Variants in SLC22A13 observed in about 807,000 individuals in gnomAD.
SLC22A13 encodes solute carrier family 22 member 13.
Under a neutral mutation model 49.1 loss-of-function variants are expected in SLC22A13, and 42 were observed. The observed-to-expected ratio is 0.85, with a 90% confidence interval of 0.67 to 1.11. The LOEUF is 1.11. Among genes scored for constraint, SLC22A13 ranks in the 50% least tolerant of loss-of-function variants. The pLI is 0.00. For synonymous variants in SLC22A13, 282 were observed against 293.1 expected, an observed-to-expected ratio of 0.96 and a Z score of 0.39; for missense variants, 694 against 712.8, an observed-to-expected ratio of 0.97 and a Z score of 0.30.
At chr3:38,275,231 A>G (rs1703565693) in intron 4 of SLC22A13, 74 bp downstream of exon 4, 4 of 1,592,560 alleles carry the variant, frequency 2.5e-6, no homozygotes, top group East Asian at 2.2e-5. Context: ...TGCAGCACCC[A>G]TGTTCATAGG....
At chr3:38,274,234 G>C in intron 1 of SLC22A13, 38 bp from the exon 2 acceptor site, 1 of 1,488,928 alleles carries the variant, frequency 6.7e-7, no homozygotes, top group Non-Finnish European at 9.4e-7. Flanking sequence ...TGCCCTCCTT[G>C]CAGCCCCTGG....
intron 1 of SLC22A13, among the ~76,000 whole-genome samples, chr3:38,268,960 A>G (rs1021504782): frequency 2.6e-5 from 4 of 152,144 alleles, no homozygotes; most frequent in Non-Finnish European, 5.9e-5. Flanking sequence ...AAACAAACAA[A>G]CAAACAAAAA....
chr3:38,265,934 T>A lies in SLC22A13; in HGVS notation c.74T>A (p.Leu25Gln). 1.2e-6 allele frequency: 2 copies of A among 1,614,208 alleles called. No homozygotes were observed. Among genetic ancestry groups the A allele is most frequent in the Non-Finnish European group, 1.7e-6 (2 of 1,180,014 alleles). Residue 25 changes from leucine (L) to glutamine (Q), a missense_variant, in exon 1 of 10, where the codon CTG (leucine) becomes CAG (glutamine). Coordinates refer to ENST00000311856, the MANE Select transcript of SLC22A13 (RefSeq NM_004256.4). The part of the protein sequence containing the change: ...GRFQIQLLIL[L>Q]CVLNFLSPFY... Reference sequence around the variant, plus strand: ...TTCCAGATACAGCTATTGATCCTGCTGTGTGTTCTCAACTTCCTGTCTCCC... The same window carrying A: ...TTCCAGATACAGCTATTGATCCTGCAGTGTGTTCTCAACTTCCTGTCTCCC...
chr3:38,277,380 A>G lies in SLC22A13; in HGVS notation c.1571A>G (p.Lys524Arg), dbSNP rs758949664. Residue 524 changes from lysine (K) to arginine (R), a missense_variant, in exon 10 of 10, where the codon AAA becomes AGA. By Grantham distance (26) the Lys-to-Arg change is conservative. Transcript: ENST00000311856. ...CCTTCTGCTCCCTCTAGGTCCCCCA[A>G]ATCAGTGCCCTCAGAGAAGGAAACA... ...LELGPHPRSP[K>R]SVPSEKETEA... 6 of 1,613,766 alleles carry G rather than the reference A, an allele frequency of 3.7e-6. No individual in the cohort carries two copies. The highest frequency in any genetic ancestry group is 4.5e-5 in the East Asian group (2 of 44,888).
In SLC22A13 at chr3:38,277,045, C is replaced by G; in HGVS notation, c.1480C>G (p.Leu494Val). The change falls in exon 9 of 10, where the codon CTG becomes GTG. Residue 494 changes from leucine to valine, a missense_variant. Leu to Val is a conservative substitution (Grantham distance 32). Transcript: ENST00000311856. Reference protein sequence around the residue: ...IYGSLPIVAGLLCTLLPETHG... With the variant: ...IYGSLPIVAGVLCTLLPETHG... ...CGGCAGCCTCCCCATCGTGGCCGGCCTGCTGTGCACCCTGCTGCCAGAGAC... is the reference window on the plus strand; with the variant it reads ...CGGCAGCCTCCCCATCGTGGCCGGCGTGCTGTGCACCCTGCTGCCAGAGAC... The G allele has an allele frequency of 2.5e-6, 4 of 1,597,586 alleles. No homozygotes were observed. The highest frequency in any genetic ancestry group is 3.4e-6 in the Non-Finnish European group (4 of 1,172,210).
chr3:38,266,997 GCTCTCATGCCAGATACCTGCTGT>G (rs1703470159), intron 1 of SLC22A13, among the ~76,000 whole-genome samples: 1 of 152,182 alleles, frequency 6.6e-6, no homozygotes, highest in Non-Finnish European at 1.5e-5. Flanking sequence ...TGGAGCTGGG[GCTCTCATGCCAGATACCTGCTGT>G]CTAGATTCCC....
Position 38,278,351 on chromosome 3 carries a change from T to G in SLC22A13, c.*886T>G, listed in dbSNP as rs1373474973. The G allele has an allele frequency of 1.3e-5, 2 of 152,362 alleles. No homozygotes were observed. Among genetic ancestry groups the G allele is most frequent in the Non-Finnish European group, 2.9e-5 (2 of 68,144 alleles). 9.4% of individuals were successfully genotyped at this position (152,362 alleles called of 1,614,324 possible). ...TTGTCAGGCTTCTGAAAGCTGCCTT[T>G]TCCACGGGCCATCTTCTTGGGCTTC... On this transcript the variant is annotated 3_prime_UTR_variant, in exon 10 of 10. Coordinates refer to ENST00000311856, the MANE Select transcript of SLC22A13 (RefSeq NM_004256.4).
chr3:38,276,512 T>A, intron 8 of SLC22A13, 117 bp downstream of exon 8: 1 of 726,456 alleles, frequency 1.4e-6, no homozygotes, highest in Non-Finnish European at 2.3e-6. Flanking sequence ...GGGGCAGCAG[T>A]GCTGGGCAGG....
intron 5 of SLC22A13, 30 bp downstream of exon 5, chr3:38,275,520 A>G (rs1170493090): frequency 1.2e-6 from 2 of 1,614,180 alleles, no homozygotes; most frequent in Admixed American, 3.3e-5. Context: ...GCCCAGGCCC[A>G]GAATCAGACC....
intron 1 of SLC22A13, among the ~76,000 whole-genome samples, chr3:38,271,882 C>T (rs1251829356): frequency 6.6e-6 from 1 of 152,048 alleles, no homozygotes; most frequent in Non-Finnish European, 1.5e-5. Flanking sequence ...GGGAGGGATC[C>T]GGGATGGGGT....
At chr3:38,269,289 G>A (rs559374922) in intron 1 of SLC22A13, among the ~76,000 whole-genome samples, 2 of 151,496 alleles carry the variant, frequency 1.3e-5, no homozygotes, top group South Asian at 2.1e-4. Flanking sequence ...ACAGGGTCTT[G>A]CTCTGTCACC....
intron 4 of SLC22A13, 95 bp from the exon 5 acceptor site, chr3:38,275,274 GT>G: frequency 6.3e-7 from 1 of 1,592,846 alleles, no homozygotes; most frequent in East Asian, 2.2e-5. Context: ...GAGGGAGCCT[GT>G]CACAGCTGGG....
intron 1 of SLC22A13, among the ~76,000 whole-genome samples, chr3:38,273,417 G>A (rs1278564285): frequency 2.0e-5 from 3 of 152,078 alleles, no homozygotes; most frequent in South Asian, 4.2e-4. Context: ...GCGTGTGTAC[G>A]TGTGTGTGTG....
Position 38,265,942 on chromosome 3 carries a change from C to T in SLC22A13, c.82C>T (p.Leu28Phe). ...QIQLLILLCV[L>F]NFLSPFYFFA... is the part of the protein sequence containing the mutation. ...ACAGCTATTGATCCTGCTGTGTGTT[C>T]TCAACTTCCTGTCTCCCTTCTACTT... is the stretch of plus-strand genomic sequence containing the variant. The change falls in exon 1 of 10, where the codon CTC becomes TTC. Residue 28 changes from leucine to phenylalanine, a missense_variant. Coordinates refer to ENST00000311856, the MANE Select transcript of SLC22A13 (RefSeq NM_004256.4). 1 of 1,614,170 alleles carries T rather than the reference C, an allele frequency of 6.2e-7. No homozygotes were observed. Among genetic ancestry groups the T allele is most frequent in the Non-Finnish European group, 8.5e-7 (1 of 1,180,004 alleles).
At position 38,275,604 on chromosome 3, in the gene SLC22A13, A is replaced by G. The variant is rs778439937; in HGVS notation, c.954A>G (p.Ser318=). Residue 318 remains serine, a synonymous_variant, in exon 6 of 10, where the codon TCA becomes TCG. Coordinates refer to ENST00000311856, the MANE Select transcript of SLC22A13 (RefSeq NM_004256.4). ...NQLVPEKTGP[S]GNALDLFRHP... Reference sequence around the variant, plus strand: ...TGGTCCCAGAGAAGACAGGCCCCTCAGGGAATGCCCTGGATCTGTTCAGAC... The same window carrying G: ...TGGTCCCAGAGAAGACAGGCCCCTCGGGGAATGCCCTGGATCTGTTCAGAC... 9.3e-6 allele frequency: 15 copies of G among 1,614,024 alleles called. No individual in the cohort carries two copies. Among genetic ancestry groups the G allele is most frequent in the Non-Finnish European group, 1.0e-5 (12 of 1,180,010 alleles).
Position 38,275,865 on chromosome 3 carries a change from C to G in SLC22A13, c.1023-17C>G. The G allele has an allele frequency of 1.2e-6, 2 of 1,609,392 alleles. No homozygotes were observed. The highest frequency in any genetic ancestry group is 1.7e-6 in the Non-Finnish European group (2 of 1,176,064). On this transcript the variant is annotated splice_polypyrimidine_tract_variant and intron_variant, in intron 6 of 9. Coordinates refer to ENST00000311856, the MANE Select transcript of SLC22A13 (RefSeq NM_004256.4). ...CTCGTCACCCAGCAGTGACAGGAACCCTTCATTACCTTGTAGGTTTGTGGA... is the reference window on the plus strand; with the variant it reads ...CTCGTCACCCAGCAGTGACAGGAACGCTTCATTACCTTGTAGGTTTGTGGA...
At chr3:38,266,346 G>C in intron 1 of SLC22A13, 108 bp downstream of exon 1, 2 of 1,236,500 alleles carry the variant, frequency 1.6e-6, no homozygotes, top group Non-Finnish European at 2.3e-6. Flanking sequence ...ATGCCCATAT[G>C]GTCAACCATG....
At position 38,274,645 on chromosome 3, in the gene SLC22A13, T is replaced by TTA; in HGVS notation, c.524_525insTA (p.Leu177ProfsTer38). On this transcript the variant is annotated frameshift_variant, in exon 3 of 10. Transcript: ENST00000311856. LOFTEE classifies it high-confidence loss of function. ...ACAATCCTGGCGCAGCTGCTCCTCT[T>TTA]CACCCTCATCGGCCTGGCCACAGCT... 6.2e-7 allele frequency: 1 copy of TTA among 1,614,144 alleles called. No individual in the cohort carries two copies.
Position 38,278,121 on chromosome 3 carries a change from A to G in SLC22A13, c.*656A>G, listed in dbSNP as rs1413979551. On this transcript the variant is annotated 3_prime_UTR_variant, in exon 10 of 10. Transcript: ENST00000311856. The stretch of plus-strand genomic sequence containing the variant: ...CCTACACTCAGCTCATGCCTAACCT[A>G]TGTGTGGCTCAGGGACCAGCTTGGG... The G allele has an allele frequency of 2.6e-5, 4 of 152,350 alleles. No individual in the cohort carries two copies. Among genetic ancestry groups the G allele is most frequent in the East Asian group, 3.9e-4 (2 of 5,180 alleles). 9.4% of individuals were successfully genotyped at this position (152,350 alleles called of 1,614,324 possible). A position where few individuals can be genotyped will look rare whatever the true frequency, so the allele number is the denominator to read the frequency against.
Sources: gnomAD v4.1 joint callset for allele counts (sites outside exome capture counted in the v4.1 genomes callset) on GRCh38, gnomAD v4.1.1 for gene constraint, MANE v1.5 for transcripts, NCBI Gene and HGNC (gene_info 2026-07-23, HGNC 2026-07-21) for gene names.